The following SOX5 variants were observed in gnomAD, a reference collection of about 807,000 sequenced individuals.
SOX5 encodes transcription factor SOX-5.
SOX5 carries 9 observed loss-of-function variants against 92.0 expected under a neutral mutation model. That is an observed-to-expected ratio of 0.10 (90% CI 0.06 to 0.17). SOX5 has a LOEUF of 0.17. Among genes scored for constraint, SOX5 ranks in the 10% least tolerant of loss-of-function variants. The pLI is 1.00. For missense variants in SOX5, 642 were observed against 944.5 expected, an observed-to-expected ratio of 0.68 and a Z score of 4.20; for synonymous variants, 344 against 336.3, an observed-to-expected ratio of 1.02 and a Z score of -0.25.
chr12:24,079,837 T>C (rs940371625), intron 4 of SOX5, among the ~76,000 whole-genome samples: 6 of 151,968 alleles, frequency 3.9e-5, no homozygotes, highest in African/African-American at 1.4e-4. Context: ...TTTTTGTAGT[T>C]ACAGTCGAGA....
intron 4 of SOX5, among the ~76,000 whole-genome samples, chr12:24,182,132 A>T (rs1037097688): frequency 1.3e-5 from 2 of 152,190 alleles, no homozygotes; most frequent in Admixed American, 1.3e-4. Context: ...TTAATAAAGG[A>T]AAACATATTT....
At chr12:23,777,272 A>C (rs1231080021) in intron 3 of SOX5, among the ~76,000 whole-genome samples, 1 of 152,168 alleles carries the variant, frequency 6.6e-6, no homozygotes, top group East Asian at 1.9e-4. Flanking sequence ...ATAAATTTGC[A>C]TTATCTAAGT....
chr12:23,608,870 G>A (rs2075600754), intron 8 of SOX5, among the ~76,000 whole-genome samples: 1 of 152,188 alleles, frequency 6.6e-6, no homozygotes, highest in African/African-American at 2.4e-5. Flanking sequence ...TATATGTGCT[G>A]ACTCTGGACT....
intron 12 of SOX5, 78 bp downstream of exon 12, chr12:23,546,238 A>G (rs1024666604): frequency 1.7e-5 from 14 of 816,522 alleles, no homozygotes; most frequent in Admixed American, 9.9e-5. Context: ...TGTCTAGTCT[A>G]TTTTTTAGCA....
intron 3 of SOX5, among the ~76,000 whole-genome samples, chr12:23,795,244 T>C (rs567246265): frequency 6.6e-6 from 1 of 151,984 alleles, no homozygotes; most frequent in African/African-American, 2.4e-5. Context: ...AAACGGTAGA[T>C]TCAAAATGGA....
intron 2 of SOX5, among the ~76,000 whole-genome samples, chr12:24,303,724 G>A (rs181892719): frequency 3.2e-4 from 49 of 152,252 alleles, no homozygotes; most frequent in Non-Finnish European, 6.3e-4. Flanking sequence ...TCCTTCTCCT[G>A]TGTTCTGTTT....
At chr12:24,457,266 T>C (rs1054855976) in intron 1 of SOX5, among the ~76,000 whole-genome samples, 21 of 152,182 alleles carry the variant, frequency 1.4e-4, no homozygotes, top group Non-Finnish European at 2.5e-4. Context: ...AACCTAATAA[T>C]GTCAATGGTG....
At chr12:23,759,018 CACACACACACAG>C (rs1485329428) in intron 3 of SOX5, among the ~76,000 whole-genome samples, 14 of 67,790 alleles carry the variant, frequency 2.1e-4, no homozygotes, top group African/African-American at 5.9e-4. Context: ...AAAACACACA[CACACACACACAG>C]ACACACACAC....
chr12:23,533,204 C>G lies in SOX5; in HGVS notation c.*1015G>C, dbSNP rs1428534177. 6.6e-6 allele frequency: 3 copies of G among 456,358 alleles called. No homozygotes were observed. Among genetic ancestry groups the G allele is most frequent in the Non-Finnish European group, 8.8e-6 (2 of 226,706 alleles). The allele number at this position is 456,358 out of a possible 1,614,324, so 28.3% of individuals were successfully genotyped here. On this transcript the variant is annotated 3_prime_UTR_variant, in exon 15 of 15. Coordinates refer to ENST00000451604, the MANE Select transcript of SOX5 (RefSeq NM_006940.6). ...CATCCCCAGATGTGGGTTTAACTCACAATGGTCCAACGTTATTCCTATTAT... is the reference window on the plus strand; with the variant it reads ...CATCCCCAGATGTGGGTTTAACTCAGAATGGTCCAACGTTATTCCTATTAT...
chr12:23,780,412 C>A (rs2095251698), intron 3 of SOX5, among the ~76,000 whole-genome samples: 1 of 150,282 alleles, frequency 6.7e-6, no homozygotes, highest in Admixed American at 6.6e-5. Flanking sequence ...TTTCAAGGAT[C>A]TTACAATGTA....
intron 3 of SOX5, among the ~76,000 whole-genome samples, chr12:23,776,527 C>T (rs908320434): frequency 6.6e-6 from 1 of 152,166 alleles, no homozygotes; most frequent in African/African-American, 2.4e-5. Flanking sequence ...TAGGCAAGAC[C>T]ATGCCATTGA....
chr12:24,118,932 A>G (rs1379544773), intron 4 of SOX5, among the ~76,000 whole-genome samples: 1 of 152,184 alleles, frequency 6.6e-6, no homozygotes, highest in Non-Finnish European at 1.5e-5. Flanking sequence ...ACAAGCACTG[A>G]AAAATCTTTG....
At chr12:23,767,217 C>T (rs201941321) in intron 3 of SOX5, among the ~76,000 whole-genome samples, 2 of 39,560 alleles carry the variant, frequency 5.1e-5, no homozygotes, top group African/African-American at 1.6e-4. Context: ...AAAACAGAAA[C>T]ACACACACAC....
chr12:23,587,535 T>C (rs2137041441), intron 9 of SOX5, among the ~76,000 whole-genome samples: 1 of 152,244 alleles, frequency 6.6e-6, no homozygotes, highest in South Asian at 2.1e-4. Flanking sequence ...GAAGAATTTT[T>C]TCTATCCCAT....
At chr12:24,052,936 T>A (rs1290499024) in intron 4 of SOX5, among the ~76,000 whole-genome samples, 1 of 152,178 alleles carries the variant, frequency 6.6e-6, no homozygotes. Flanking sequence ...AATCTCCCAA[T>A]AAAATCTCCT....
In SOX5 at chr12:23,533,223, CTATTA is replaced by C; in HGVS notation, c.*991_*995del. The C allele has an allele frequency of 2.2e-6, 1 of 455,622 alleles. No individual in the cohort carries two copies. Among genetic ancestry groups the C allele is most frequent in the Non-Finnish European group, 4.4e-6 (1 of 226,268 alleles). 28.2% of individuals were successfully genotyped at this position (455,622 alleles called of 1,614,324 possible). ...AACTCACAATGGTCCAACGTTATTCCTATTATTAGTACCATAATCACATACATACA... is the reference window on the plus strand; with the variant it reads ...AACTCACAATGGTCCAACGTTATTCCTTAGTACCATAATCACATACATACA... On this transcript the variant is annotated 3_prime_UTR_variant, in exon 15 of 15. Transcript: ENST00000451604.
intron 4 of SOX5, among the ~76,000 whole-genome samples, chr12:24,103,921 A>G (rs1237668082): frequency 6.6e-6 from 1 of 152,212 alleles, no homozygotes; most frequent in African/African-American, 2.4e-5. Context: ...AAGACTTCTG[A>G]TGAGACAAAA....
At chr12:24,076,521 G>T (rs1942620867) in intron 4 of SOX5, among the ~76,000 whole-genome samples, 1 of 152,106 alleles carries the variant, frequency 6.6e-6, no homozygotes, top group South Asian at 2.1e-4. Context: ...TGCTTTAAAT[G>T]ATCCTGACAT....
intron 3 of SOX5, among the ~76,000 whole-genome samples, chr12:24,266,826 A>G (rs373060329): frequency 2.6e-5 from 4 of 152,326 alleles, no homozygotes; most frequent in African/African-American, 9.6e-5. Flanking sequence ...TTAAGATGCA[A>G]AGAAGCTTTT....
Sources: allele counts gnomAD v4.1 joint callset (sites outside exome capture counted in the v4.1 genomes callset), GRCh38; gene constraint gnomAD v4.1.1; transcripts MANE v1.5; gene names NCBI Gene and HGNC (gene_info 2026-07-23, HGNC 2026-07-21).